Variants in C8orf89 observed in about 807,000 individuals in gnomAD.
The protein encoded by C8orf89 is putative uncharacterized protein C8orf89.
C8orf89 carries 14 observed loss-of-function variants against 15.8 expected under a neutral mutation model. The ratio of observed to expected loss-of-function variants is 0.89; its 90% CI spans 0.59 to 1.39. The LOEUF is 1.39. Ranked by LOEUF, C8orf89 falls within the 40% of genes most tolerant of loss-of-function variation. The pLI is 0.00. For synonymous variants in C8orf89, 55 were observed against 62.2 expected (o/e 0.88, Z 0.54); for missense variants, 181 against 184.5 (o/e 0.98, Z 0.11).
intron 3 of C8orf89, among the ~76,000 whole-genome samples, chr8:73,243,564 C>G (rs954136725): frequency 2.0e-5 from 3 of 152,188 alleles, no homozygotes; most frequent in African/African-American, 7.2e-5. Context: ...GAATCTTGCT[C>G]TGTCACCCAG....
At chr8:73,267,893 G>A in the C8orf89 span, among the ~76,000 whole-genome samples, 4 of 152,106 alleles carry the variant, frequency 2.6e-5, no homozygotes, top group Admixed American at 1.3e-4. Flanking sequence ...CAACACTGCA[G>A]TACTAACTCC....
intron 2 of C8orf89, among the ~76,000 whole-genome samples, chr8:73,255,267 T>C (rs1487607702): frequency 6.6e-6 from 1 of 151,872 alleles, no homozygotes; most frequent in Non-Finnish European, 1.5e-5. Context: ...CAAACAAATT[T>C]ACAAGAAAAA....
At chr8:73,261,074 G>C (rs777054392), upstream of C8orf89, among the ~76,000 whole-genome samples, 1 of 152,090 alleles carries the variant, frequency 6.6e-6, no homozygotes, top group African/African-American at 2.4e-5. Flanking sequence ...AGGGGCTCTC[G>C]GTACTGTCAG....
the C8orf89 span, among the ~76,000 whole-genome samples, chr8:73,265,652 A>G: frequency 2.0e-5 from 3 of 152,206 alleles, no homozygotes; most frequent in Admixed American, 6.5e-5. Context: ...GATCTCTCCC[A>G]TGCCATTCTT....
the C8orf89 span, among the ~76,000 whole-genome samples, chr8:73,272,259 T>C: frequency 3.3e-5 from 5 of 152,102 alleles, no homozygotes; most frequent in African/African-American, 1.2e-4. Context: ...CTTTCTCCTC[T>C]CTCCCACCTT....
the C8orf89 span, among the ~76,000 whole-genome samples, chr8:73,267,413 A>G: frequency 1.3e-5 from 2 of 152,246 alleles, no homozygotes; most frequent in African/African-American, 4.8e-5. Context: ...GAACTGCTGT[A>G]CAGCACTTAA....
chr8:73,275,910 G>A, the C8orf89 span, among the ~76,000 whole-genome samples: 1 of 151,968 alleles, frequency 6.6e-6, no homozygotes, highest in South Asian at 2.1e-4. Context: ...ATAAAGCCAA[G>A]ATCCCCTAAT....
the C8orf89 span, among the ~76,000 whole-genome samples, chr8:73,281,450 T>G: frequency 2.9e-4 from 44 of 150,768 alleles, no homozygotes; most frequent in Non-Finnish European, 5.5e-4. Context: ...AGAAAGATAT[T>G]TATTTATTCA....
At chr8:73,260,256 T>C (rs1418965463), upstream of C8orf89, among the ~76,000 whole-genome samples, 1 of 152,094 alleles carries the variant, frequency 6.6e-6, no homozygotes, top group Non-Finnish European at 1.5e-5. Flanking sequence ...GGATAATACA[T>C]TTCTCTGATC....
the C8orf89 span, among the ~76,000 whole-genome samples, chr8:73,285,586 T>TGAGAC: frequency 6.6e-6 from 1 of 152,232 alleles, no homozygotes; most frequent in East Asian, 1.9e-4. Flanking sequence ...GGGCTCGTCC[T>TGAGAC]GAGACGGGCC....
At chr8:73,249,762 G>C (rs987615342) in intron 3 of C8orf89, among the ~76,000 whole-genome samples, 1 of 151,932 alleles carries the variant, frequency 6.6e-6, no homozygotes, top group East Asian at 1.9e-4. Context: ...CAAAACTATT[G>C]GTATATAGAT....
At chr8:73,260,822 G>A (rs978443372), upstream of C8orf89, among the ~76,000 whole-genome samples, 1 of 152,176 alleles carries the variant, frequency 6.6e-6, no homozygotes, top group African/African-American at 2.4e-5. Context: ...TGAGGGTGTT[G>A]TCAAAAGAGA....
intron 2 of C8orf89, among the ~76,000 whole-genome samples, chr8:73,256,232 A>T (rs568255955): frequency 1.3e-5 from 2 of 152,024 alleles, no homozygotes; most frequent in Non-Finnish European, 2.9e-5. Flanking sequence ...TAGTCAATGC[A>T]GGATGTTAAT....
chr8:73,253,142 C>CA (rs903391258), intron 2 of C8orf89, among the ~76,000 whole-genome samples: 9 of 150,940 alleles, frequency 6.0e-5, no homozygotes, highest in Non-Finnish European at 8.9e-5. Flanking sequence ...GACTCCGTCT[C>CA]AAAAAAAAGA....
At chr8:73,276,105 AT>A in the C8orf89 span, among the ~76,000 whole-genome samples, 3 of 150,724 alleles carry the variant, frequency 2.0e-5, no homozygotes, top group African/African-American at 7.3e-5. Flanking sequence ...AGGAAGTAAA[AT>A]TTTTTTATGG....
chr8:73,258,461 G>A (rs1338938853), intron 1 of C8orf89, among the ~76,000 whole-genome samples: 2 of 146,876 alleles, frequency 1.4e-5, no homozygotes, highest in East Asian at 3.9e-4. Flanking sequence ...AAAGATGGAA[G>A]CAGAATTCAG....
At chr8:73,276,993 G>A in the C8orf89 span, among the ~76,000 whole-genome samples, 1,306 of 151,768 alleles carry the variant, frequency 8.6e-3, 18 homozygotes, top group African/African-American at 0.03. Flanking sequence ...TTTTAGTAGA[G>A]ACAGAGTTTT....
intron 3 of C8orf89, among the ~76,000 whole-genome samples, chr8:73,250,064 G>A (rs1365595286): frequency 6.6e-6 from 1 of 151,414 alleles, no homozygotes; most frequent in Non-Finnish European, 1.5e-5. Flanking sequence ...GATATGATGA[G>A]GGCCTACCCT....
At chr8:73,271,250 C>T in the C8orf89 span, among the ~76,000 whole-genome samples, 1 of 152,222 alleles carries the variant, frequency 6.6e-6, no homozygotes, top group South Asian at 2.1e-4. Context: ...CTCCCCAAAT[C>T]TCATGCTGAC....
Sources: allele counts gnomAD v4.1 joint callset (sites outside exome capture counted in the v4.1 genomes callset), GRCh38; gene constraint gnomAD v4.1.1; transcripts MANE v1.5; gene names NCBI Gene and HGNC (gene_info 2026-07-23, HGNC 2026-07-21).